Variants in STK3 observed in about 807,000 individuals in gnomAD.
STK3 encodes the protein serine/threonine kinase 3, also known as serine/threonine-protein kinase 3.
A neutral mutation model predicts 58.0 loss-of-function variants in STK3; 41 were observed. The observed-to-expected ratio is 0.71, with a 90% CI of 0.55 to 0.92. The LOEUF is 0.92. Ranked by LOEUF, STK3 falls within the 40% of genes least tolerant of loss-of-function variation. The pLI, the probability that STK3 is intolerant of heterozygous loss-of-function variation, is 0.00. For synonymous variants in STK3, 170 were observed against 191.0 expected (o/e 0.89, Z 0.91); for missense variants, 479 against 602.7 (o/e 0.79, Z 2.15).
chr8:98,588,077 T>A (rs1814832697), intron 7 of STK3, among the ~76,000 whole-genome samples: 1 of 152,198 alleles, frequency 6.6e-6, no homozygotes, highest in Non-Finnish European at 1.5e-5. Context: ...GTGTTTTAAT[T>A]GGAGCATTTG....
downstream of STK3, among the ~76,000 whole-genome samples, chr8:98,366,344 TAAAG>T (rs1434525152): frequency 6.6e-6 from 1 of 152,244 alleles, no homozygotes; most frequent in East Asian, 1.9e-4. Flanking sequence ...AATAATGACT[TAAAG>T]AAATTCTTTA....
chr8:98,620,310 CTG>C (rs1221359228), intron 6 of STK3, among the ~76,000 whole-genome samples: 1 of 107,528 alleles, frequency 9.3e-6, no homozygotes, highest in Admixed American at 1.1e-4. Flanking sequence ...ACTCTGGGGA[CTG>C]TGGTGGGGTG....
the STK3 span, among the ~76,000 whole-genome samples, chr8:98,344,347 T>C: frequency 1.3e-5 from 2 of 152,210 alleles, no homozygotes. Flanking sequence ...GTATCTGCAA[T>C]GCAAAAGAAA....
At chr8:98,677,516 G>T (rs1216033003) in intron 6 of STK3, among the ~76,000 whole-genome samples, 2 of 151,820 alleles carry the variant, frequency 1.3e-5, no homozygotes, top group Non-Finnish European at 2.9e-5. Flanking sequence ...CAAAAAAGAA[G>T]AAAGAAGAAG....
At chr8:98,597,516 G>A in intron 6 of STK3, 2 of 985,330 alleles carry the variant, frequency 2.0e-6, no homozygotes, top group Non-Finnish European at 1.2e-6. Flanking sequence ...AAGCATTTCT[G>A]TGTGTTCAGA....
chr8:98,923,945 AT>A (rs1472409247), intron 1 of STK3, among the ~76,000 whole-genome samples: 16 of 149,568 alleles, frequency 1.1e-4, no homozygotes, highest in South Asian at 4.5e-4. Flanking sequence ...AGTTCTTTTT[AT>A]TTTTTTCCCC....
intron 4 of STK3, among the ~76,000 whole-genome samples, chr8:98,731,460 C>G (rs1273646146): frequency 6.6e-6 from 1 of 152,164 alleles, no homozygotes; most frequent in Admixed American, 6.6e-5. Flanking sequence ...TGGCTCACGC[C>G]TGCAATCCTA....
At chr8:98,413,292 G>T in intron 3 of STK3, 1 of 443,446 alleles carries the variant, frequency 2.3e-6, no homozygotes. Flanking sequence ...TGGGATTACA[G>T]GCGCAAGCCA....
intron 1 of STK3, among the ~76,000 whole-genome samples, chr8:98,440,796 A>G (rs1024524893): frequency 6.6e-6 from 1 of 152,182 alleles, no homozygotes; most frequent in Non-Finnish European, 1.5e-5. Context: ...AAACCCTATA[A>G]AATAGGTTCT....
intron 7 of STK3, among the ~76,000 whole-genome samples, chr8:98,589,908 CT>C (rs1554627293): frequency 6.6e-6 from 1 of 152,230 alleles, no homozygotes; most frequent in Non-Finnish European, 1.5e-5. Context: ...AGGGAACCCC[CT>C]GACCCCTTGC....
chr8:98,741,546 A>G (rs545018945), intron 4 of STK3, among the ~76,000 whole-genome samples: 29 of 152,352 alleles, frequency 1.9e-4, no homozygotes, highest in South Asian at 1.2e-3. Context: ...TTTAAAACCA[A>G]TGAGAACAAA....
chr8:98,402,709 G>A (rs1212105079), intron 3 of STK3, among the ~76,000 whole-genome samples: 1 of 152,218 alleles, frequency 6.6e-6, no homozygotes, highest in Non-Finnish European at 1.5e-5. Context: ...GCCAGGCGAG[G>A]AGGACATGCC....
chr8:98,822,832 C>T (rs969532210), intron 1 of STK3, among the ~76,000 whole-genome samples: 1 of 152,116 alleles, frequency 6.6e-6, no homozygotes, highest in African/African-American at 2.4e-5. Context: ...AGTTGGAGAC[C>T]AGCCTGGCCA....
At chr8:98,667,767 T>C (rs1822480956) in intron 6 of STK3, among the ~76,000 whole-genome samples, 1 of 152,066 alleles carries the variant, frequency 6.6e-6, no homozygotes, top group African/African-American at 2.4e-5. Flanking sequence ...GAAAAAGTGA[T>C]ACAATTAGTA....
chr8:98,428,489 C>A lies in STK3; in HGVS notation n.483+5638G>T, dbSNP rs1818278710. Reference sequence around the variant, plus strand: ...ATGGGCAGCCCCTCGGCAACTTCCGCAGGCAGCTGTGGCTGGCGCTGGACA... The same window carrying A: ...ATGGGCAGCCCCTCGGCAACTTCCGAAGGCAGCTGTGGCTGGCGCTGGACA... On this transcript the variant is annotated intron_variant and non_coding_transcript_variant, in intron 3 of 3. Coordinates refer to the STK3 transcript ENST00000517832. This position sits in a 1 kb window ranked among gnomAD's most constrained non-coding sequence, Gnocchi z 6.7. 14 of 1,614,038 alleles carry A rather than the reference C, an allele frequency of 8.7e-6. No individual in the cohort carries two copies. Among genetic ancestry groups the A allele is most frequent in the Non-Finnish European group, 1.0e-5 (12 of 1,180,044 alleles).
chr8:98,823,284 T>C (rs1835028136), intron 1 of STK3, among the ~76,000 whole-genome samples: 1 of 152,106 alleles, frequency 6.6e-6, no homozygotes, highest in South Asian at 2.1e-4. Flanking sequence ...ACGACATCGA[T>C]AAGGCCATGT....
intron 8 of STK3, among the ~76,000 whole-genome samples, chr8:98,549,684 C>G (rs1342118487): frequency 6.6e-6 from 1 of 151,938 alleles, no homozygotes; most frequent in Non-Finnish European, 1.5e-5. Context: ...TAAAAGTGCT[C>G]TTTAGAACAT....
intron 4 of STK3, among the ~76,000 whole-genome samples, chr8:98,718,069 T>TA (rs1827149605): frequency 6.6e-6 from 1 of 152,132 alleles, no homozygotes; most frequent in African/African-American, 2.4e-5. Context: ...AATGGACAGT[T>TA]AGTGCTTAAT....
At chr8:98,771,568 T>A (rs1360776105) in intron 2 of STK3, among the ~76,000 whole-genome samples, 2 of 151,944 alleles carry the variant, frequency 1.3e-5, no homozygotes, top group Non-Finnish European at 2.9e-5. Flanking sequence ...AACATATACG[T>A]ATCTTTTTTT....
Sources: allele counts gnomAD v4.1 joint callset (sites outside exome capture counted in the v4.1 genomes callset), GRCh38; gene constraint gnomAD v4.1.1; non-coding constraint Gnocchi (gnomAD v3.1); transcripts MANE v1.5; gene names NCBI Gene and HGNC (gene_info 2026-07-23, HGNC 2026-07-21).